The following BICD1 variants were observed in gnomAD, a reference collection of about 807,000 sequenced individuals.
BICD1 encodes protein bicaudal D homolog 1.
In BICD1, 35 loss-of-function variants were observed where a neutral mutation model predicts 92.5. That is an observed-to-expected ratio of 0.38 (90% confidence interval 0.29 to 0.50). The LOEUF (loss-of-function observed/expected upper bound fraction) is 0.50. BICD1 is among the 20% of genes least tolerant of loss of function. BICD1 has a pLI of 0.93. For missense variants in BICD1, 950 were observed against 1,189.8 expected (o/e 0.80, Z 2.97); for synonymous variants, 429 against 465.1 (o/e 0.92, Z 1.00).
intron 1 of BICD1, among the ~76,000 whole-genome samples, chr12:32,212,614 G>A (rs1411176226): frequency 6.6e-6 from 1 of 152,122 alleles, no homozygotes; most frequent in African/African-American, 2.4e-5. Context: ...AACAGAGACG[G>A]GGTTTTGCCA....
At chr12:32,232,074 C>A (rs1455934808) in intron 2 of BICD1, among the ~76,000 whole-genome samples, 13 of 151,424 alleles carry the variant, frequency 8.6e-5, no homozygotes, top group Middle Eastern at 3.4e-3. Context: ...TTATAGCAGC[C>A]TGATTTATAG....
intron 4 of BICD1, among the ~76,000 whole-genome samples, chr12:32,306,323 A>C (rs894651329): frequency 5.3e-5 from 8 of 151,962 alleles, no homozygotes; most frequent in African/African-American, 1.9e-4. Context: ...GGCTCACTGC[A>C]ACCTCCGCCT....
chr12:32,134,416 T>C (rs549191479), intron 1 of BICD1, among the ~76,000 whole-genome samples: 11 of 152,272 alleles, frequency 7.2e-5, no homozygotes, highest in Admixed American at 6.5e-4. Flanking sequence ...TCCTGGGATA[T>C]TGTGTTCTAG....
chr12:32,277,972 G>C (rs1378392471), intron 2 of BICD1, among the ~76,000 whole-genome samples: 3 of 152,124 alleles, frequency 2.0e-5, no homozygotes, highest in African/African-American at 7.2e-5. Context: ...TCTATATGTA[G>C]TGTGTTCCCA....
intron 8 of BICD1, among the ~76,000 whole-genome samples, chr12:32,348,724 ATATATATATATATATATATATATATATAT>A (rs1405480868): frequency 0.13 from 726 of 5,396 alleles, 13 homozygotes; most frequent in African/African-American, 0.33. Context: ...TCACACAAAA[ATATATATATATATATATATATATATATAT>A]ATATATATAT....
chr12:32,113,864 C>T (rs1941790202), intron 1 of BICD1, among the ~76,000 whole-genome samples: 1 of 151,830 alleles, frequency 6.6e-6, no homozygotes, highest in Non-Finnish European at 1.5e-5. Flanking sequence ...TGCCTGCCAC[C>T]ATGCCTGAAT....
chr12:32,235,991 C>T (rs1384067594), intron 2 of BICD1, among the ~76,000 whole-genome samples: 1 of 151,672 alleles, frequency 6.6e-6, no homozygotes, highest in African/African-American at 2.4e-5. Flanking sequence ...AGCCACTGCG[C>T]CTGGCCCAAA....
intron 8 of BICD1, among the ~76,000 whole-genome samples, chr12:32,361,496 T>C (rs1253927961): frequency 6.9e-6 from 1 of 144,500 alleles, no homozygotes; most frequent in Non-Finnish European, 1.5e-5. Context: ...GAGTTTGCAA[T>C]GAGCCAAGAT....
chr12:32,328,639 C>T lies in BICD1; in HGVS notation c.2100+84C>T, dbSNP rs927168876. ...CCTAATTTTATTGAGTATCGAGTAT[C>T]GTCAAGATGAGAGTTCAGATTCTTG... On this transcript the variant is annotated intron_variant, in intron 5 of 9. Coordinates refer to ENST00000652176, the MANE Select transcript of BICD1 (RefSeq NM_001714.4). The surrounding 1 kb of genome is among the most constrained non-coding windows in gnomAD (Gnocchi z 4.4). The T allele has an allele frequency of 7.3e-6, 11 of 1,502,352 alleles. No homozygotes were observed. Among genetic ancestry groups the T allele is most frequent in the East Asian group, 2.3e-5 (1 of 43,994 alleles). The allele number at this position is 1,502,352 out of a possible 1,614,324, so 93.1% of individuals were successfully genotyped here. A position where few individuals can be genotyped will look rare whatever the true frequency, so the allele number is the denominator to read the frequency against.
intron 2 of BICD1, among the ~76,000 whole-genome samples, chr12:32,244,112 T>C (rs1223517919): frequency 6.7e-6 from 1 of 150,118 alleles, no homozygotes; most frequent in East Asian, 1.9e-4. Context: ...TTGTCTTTCA[T>C]AGATATTTTC....
chr12:32,154,066 G>A (rs1191852705), intron 1 of BICD1, among the ~76,000 whole-genome samples: 1 of 151,966 alleles, frequency 6.6e-6, no homozygotes. Context: ...AGAGAATTAA[G>A]CATGTCACCC....
intron 8 of BICD1, among the ~76,000 whole-genome samples, chr12:32,366,202 C>CT (rs1239704193): frequency 1.3e-5 from 2 of 152,154 alleles, no homozygotes; most frequent in East Asian, 3.8e-4. Flanking sequence ...TATAGGCAGG[C>CT]TTTTTTATAA....
At chr12:32,322,342 T>C (rs951673784) in intron 4 of BICD1, among the ~76,000 whole-genome samples, 5 of 151,742 alleles carry the variant, frequency 3.3e-5, no homozygotes, top group African/African-American at 1.2e-4. Context: ...AGTCCCCAAC[T>C]TTTTTTGGAC....
chr12:32,262,129 CT>C (rs984616830), intron 2 of BICD1, among the ~76,000 whole-genome samples: 7 of 152,172 alleles, frequency 4.6e-5, no homozygotes, highest in Admixed American at 4.6e-4. Flanking sequence ...TGTCCTTAAA[CT>C]TTTATCACAG....
At chr12:32,325,966 C>T (rs1948767438) in intron 4 of BICD1, among the ~76,000 whole-genome samples, 1 of 150,016 alleles carries the variant, frequency 6.7e-6, no homozygotes, top group East Asian at 2.0e-4. Context: ...GCCTGTAGTC[C>T]CAGCTACTGG....
At chr12:32,167,986 A>G (rs1017737280) in intron 1 of BICD1, among the ~76,000 whole-genome samples, 3 of 149,562 alleles carry the variant, frequency 2.0e-5, no homozygotes, top group Non-Finnish European at 4.4e-5. Flanking sequence ...AACAGGTAAC[A>G]TGAAGGTTAA....
At chr12:32,208,375 G>C (rs1298305962) in intron 1 of BICD1, among the ~76,000 whole-genome samples, 1 of 152,216 alleles carries the variant, frequency 6.6e-6, no homozygotes, top group African/African-American at 2.4e-5. Context: ...CCTCGTGGCA[G>C]TATGAGAAAG....
intron 1 of BICD1, among the ~76,000 whole-genome samples, chr12:32,185,309 G>T (rs1944397920): frequency 6.6e-6 from 1 of 152,192 alleles, no homozygotes; most frequent in Non-Finnish European, 1.5e-5. Context: ...CACATCCACT[G>T]CTATGGTTTT....
chr12:32,372,480 T>TA lies in BICD1; in HGVS notation c.2840+4745dup, dbSNP rs960651260. On this transcript the variant is annotated intron_variant, in intron 9 of 9. Transcript: ENST00000652176. ...TGGGCAACAGAGTGAGACTCCATCTTAAAAAAAAAATTATTTTGTACTTCC... is the reference window on the plus strand; with the variant it reads ...TGGGCAACAGAGTGAGACTCCATCTTAAAAAAAAAAATTATTTTGTACTTCC... Among the ~76,000 whole-genome samples, 37 of 150,558 alleles carry TA rather than the reference T, an allele frequency of 2.5e-4. 1 individual carries two copies. Among genetic ancestry groups the TA allele is most frequent in the Admixed American group, 1.2e-3 (18 of 15,100 alleles).
Sources: gnomAD v4.1 joint callset for allele counts (sites outside exome capture counted in the v4.1 genomes callset) on GRCh38, gnomAD v4.1.1 for gene constraint, Gnocchi (gnomAD v3.1) non-coding constraint, MANE v1.5 for transcripts, NCBI Gene and HGNC (gene_info 2026-07-23, HGNC 2026-07-21) for gene names.